The following ABLIM3 variants were observed in gnomAD, a reference collection of about 807,000 sequenced individuals.
ABLIM3 encodes actin-binding LIM protein 3.
Under a neutral mutation model 109.5 loss-of-function variants are expected in ABLIM3, and 61 were observed. The ratio of observed to expected loss-of-function variants is 0.56; its 90% CI spans 0.45 to 0.69. ABLIM3 has a LOEUF of 0.69. Among genes scored for constraint, ABLIM3 ranks in the 30% least tolerant of loss-of-function variants. The pLI, the probability that ABLIM3 is intolerant of heterozygous loss-of-function variation, is 0.00. For missense variants in ABLIM3, 796 were observed against 889.5 expected, an observed-to-expected ratio of 0.89 and a Z score of 1.34; for synonymous variants, 300 against 324.8, an observed-to-expected ratio of 0.92 and a Z score of 0.82.
chr5:149,196,083 G>C (rs1334955930), intron 3 of ABLIM3, among the ~76,000 whole-genome samples: 1 of 152,166 alleles, frequency 6.6e-6, no homozygotes, highest in Non-Finnish European at 1.5e-5. Flanking sequence ...CAGTGGCAGT[G>C]ATGAGACCAG....
chr5:149,225,410 A>G (rs746935519), intron 8 of ABLIM3, among the ~76,000 whole-genome samples: 1 of 152,142 alleles, frequency 6.6e-6, no homozygotes, highest in African/African-American at 2.4e-5. Context: ...ACCATACAAT[A>G]TATGTTCTTT....
Position 149,141,990 on chromosome 5 carries a change from C to T in ABLIM3, c.-87-19C>T. 1 of 1,519,682 alleles carries T rather than the reference C, an allele frequency of 6.6e-7. No homozygotes were observed. The highest frequency in any genetic ancestry group is 9.1e-7 in the Non-Finnish European group (1 of 1,094,586). The allele number at this position is 1,519,682 out of a possible 1,614,324, so 94.1% of individuals were successfully genotyped here. On this transcript the variant is annotated intron_variant, in intron 1 of 23. Transcript: ENST00000309868. ...CTGAGGATACAGAGCTGGCACTGGA[C>T]TGCCTTTTCACCCCCCAGGTGATGA...
At position 149,258,858 on chromosome 5, in the gene ABLIM3, G is replaced by C. The variant is rs1047319834; in HGVS notation, c.*454G>C. 9.1e-6 allele frequency: 9 copies of C among 989,840 alleles called. No homozygotes were observed. Among genetic ancestry groups the C allele is most frequent in the Non-Finnish European group, 1.1e-5 (9 of 833,088 alleles). The allele number at this position is 989,840 out of a possible 1,614,324, so 61.3% of individuals were successfully genotyped here. A position where few individuals can be genotyped will look rare whatever the true frequency, so the allele number is the denominator to read the frequency against. On this transcript the variant is annotated 3_prime_UTR_variant, in exon 24 of 24. Transcript: ENST00000309868. Reference sequence around the variant, plus strand: ...TGCAGCAGTCTCCCCAAATCAGTGAGCACCTTTGAGCGCCCACGAAGAACT... The same window carrying C: ...TGCAGCAGTCTCCCCAAATCAGTGACCACCTTTGAGCGCCCACGAAGAACT...
chr5:149,146,211 T>C (rs902243771), intron 2 of ABLIM3, among the ~76,000 whole-genome samples: 3 of 152,252 alleles, frequency 2.0e-5, no homozygotes, highest in Non-Finnish European at 4.4e-5. Flanking sequence ...ATTCTGGATA[T>C]TGGTCCTTTG....
rs1260693743 is a variant in ABLIM3, at chr5:149,246,531, C to G, written c.1536C>G (p.Asp512Glu). ...CTGGAGGAGAGGAGGATGATTTTGA[C>G]CGCAGCATGCACAAGGTGGGCAGAG... Reference protein sequence around the residue: ...FSSGGEEDDFDRSMHKLQSGI... With the variant: ...FSSGGEEDDFERSMHKLQSGI... The change falls in exon 17 of 24, where the codon GAC (aspartate) becomes GAG (glutamate). Residue 512 changes from aspartate to glutamate, a missense_variant. Physicochemically the swap from Asp to Glu is conservative, Grantham distance 45. Transcript: ENST00000309868. 4.3e-6 allele frequency: 7 copies of G among 1,613,922 alleles called. No homozygotes were observed. The African/African-American group carries it at 9.3e-5, about 22-fold the overall frequency.
intron 3 of ABLIM3, among the ~76,000 whole-genome samples, chr5:149,195,109 C>T (rs753200395): frequency 4.2e-4 from 64 of 152,316 alleles, no homozygotes; most frequent in Non-Finnish European, 2.1e-4. Context: ...GAGTCTTGCA[C>T]TTTCTGTTCT....
chr5:149,162,689 A>C (rs187454003), intron 2 of ABLIM3, among the ~76,000 whole-genome samples: 5 of 152,100 alleles, frequency 3.3e-5, no homozygotes, highest in African/African-American at 1.2e-4. Context: ...CAGTATCTAG[A>C]TTGGGAAGAA....
chr5:149,224,144 C>T (rs1218109417), intron 8 of ABLIM3, among the ~76,000 whole-genome samples: 1 of 152,142 alleles, frequency 6.6e-6, no homozygotes, highest in Non-Finnish European at 1.5e-5. Context: ...GTGTGTGACA[C>T]AAGGCCTGGT....
intron 5 of ABLIM3, among the ~76,000 whole-genome samples, chr5:149,206,639 C>G (rs1021835713): frequency 2.0e-5 from 3 of 152,312 alleles, no homozygotes; most frequent in African/African-American, 7.2e-5. Context: ...GTCTGCAATG[C>G]TGCACACTGC....
intron 2 of ABLIM3, among the ~76,000 whole-genome samples, chr5:149,175,497 G>A (rs995226958): frequency 1.3e-5 from 2 of 152,182 alleles, no homozygotes; most frequent in African/African-American, 4.8e-5. Context: ...TGGGTAGGGA[G>A]GAGAATCTTG....
Position 149,258,397 on chromosome 5 carries a change from TG to T in ABLIM3, c.2046del (p.Phe683SerfsTer22). On this transcript the variant is annotated frameshift_variant, in exon 24 of 24. Transcript: ENST00000309868. LOFTEE classifies it high-confidence loss of function. Reference sequence around the variant, plus strand: ...AATGAACTGAAGAAGCAAGCCCGGCTGTTCTAGGCAGAGGCTCTATAAATAT... The same window carrying T: ...AATGAACTGAAGAAGCAAGCCCGGCTTTCTAGGCAGAGGCTCTATAAATAT... ...KRNELKKQAR[L>X]F is the part of the protein sequence containing the mutation. 6.2e-7 allele frequency: 1 copy of T among 1,613,960 alleles called. No individual in the cohort carries two copies. The highest frequency in any genetic ancestry group is 8.5e-7 in the Non-Finnish European group (1 of 1,179,996).
rs530201178 is a variant in ABLIM3, at chr5:149,249,807, T to C, written c.1700-8T>C. 1 of 1,614,188 alleles carries C rather than the reference T, an allele frequency of 6.2e-7. No individual in the cohort carries two copies. The highest frequency in any genetic ancestry group is 8.5e-7 in the Non-Finnish European group (1 of 1,179,996). On this transcript the variant is annotated splice_region_variant and splice_polypyrimidine_tract_variant and intron_variant, in intron 18 of 23. Transcript: ENST00000309868. ...TGAGCAATGACCTTCAGCTTTTCTCTCCTGCAGCCCCTCGGTCGCACTACC... is the reference window on the plus strand; with the variant it reads ...TGAGCAATGACCTTCAGCTTTTCTCCCCTGCAGCCCCTCGGTCGCACTACC...
intron 2 of ABLIM3, among the ~76,000 whole-genome samples, chr5:149,158,077 C>T (rs1374329009): frequency 6.6e-6 from 1 of 152,190 alleles, no homozygotes; most frequent in African/African-American, 2.4e-5. Flanking sequence ...GATTTTATTC[C>T]CTCCTCTGAA....
intron 3 of ABLIM3, among the ~76,000 whole-genome samples, chr5:149,190,660 A>G (rs1338226447): frequency 2.0e-5 from 3 of 152,320 alleles, no homozygotes; most frequent in Middle Eastern, 6.8e-3. Context: ...AGGCTGGTGG[A>G]CAGAGTGAGT....
intron 3 of ABLIM3, among the ~76,000 whole-genome samples, chr5:149,194,295 C>T (rs1757757769): frequency 2.0e-5 from 3 of 152,054 alleles, no homozygotes; most frequent in Admixed American, 2.0e-4. Context: ...ATTTGATTAA[C>T]CATTAGGGAA....
chr5:149,152,765 G>A (rs1375676158), intron 2 of ABLIM3, among the ~76,000 whole-genome samples: 2 of 152,104 alleles, frequency 1.3e-5, no homozygotes, highest in African/African-American at 2.4e-5. Flanking sequence ...CATGAGCTCT[G>A]TATGGGTTGG....
At chr5:149,235,348 A>G (rs1167815515) in intron 10 of ABLIM3, among the ~76,000 whole-genome samples, 2 of 152,254 alleles carry the variant, frequency 1.3e-5, no homozygotes, top group Non-Finnish European at 2.9e-5. Flanking sequence ...TAGAATTATC[A>G]GTGAACCTGA....
At chr5:149,233,608 G>T (rs1360945693) in intron 10 of ABLIM3, among the ~76,000 whole-genome samples, 1 of 152,192 alleles carries the variant, frequency 6.6e-6, no homozygotes, top group Non-Finnish European at 1.5e-5. Flanking sequence ...CCAATGCAAG[G>T]TGCCTCATTT....
rs948269850 is a variant in ABLIM3, at chr5:149,183,509, A to C, written c.71A>C (p.Tyr24Ser). ...PRGSSNVIQC[Y>S]RCGDTCKGEV... ...GGCAGCTCCAATGTCATCCAGTGCT[A>C]CCGCTGTGGAGACACCTGCAAAGGG... is the stretch of plus-strand genomic sequence containing the variant. The change falls in exon 3 of 24, where the codon TAC (tyrosine) becomes TCC (serine). Residue 24 changes from tyrosine to serine, a missense_variant. Physicochemically the swap from Tyr to Ser is moderately radical, Grantham distance 144. Coordinates refer to ENST00000309868, the MANE Select transcript of ABLIM3 (RefSeq NM_014945.5). 6.3e-7 allele frequency: 1 copy of C among 1,599,662 alleles called. No individual in the cohort carries two copies. The highest frequency in any genetic ancestry group is 1.1e-5 in the South Asian group (1 of 88,876).
Sources: allele counts gnomAD v4.1 joint callset (sites outside exome capture counted in the v4.1 genomes callset), GRCh38; gene constraint gnomAD v4.1.1; transcripts MANE v1.5; gene names NCBI Gene and HGNC (gene_info 2026-07-23, HGNC 2026-07-21).